C2CD3: variants seen among roughly 807,000 people sequenced by gnomAD.
The protein encoded by C2CD3 is C2 domain containing 3 centriole elongation regulator.
A neutral mutation model predicts 234.0 loss-of-function variants in C2CD3; 148 were observed. The observed-to-expected ratio is 0.63, with a 90% confidence interval of 0.55 to 0.72. C2CD3 has a LOEUF of 0.72. C2CD3 is among the 30% of genes least tolerant of loss of function. The probability of loss-of-function intolerance (pLI) is 0.00; values close to 1 mark genes in which losing one functional copy is unlikely to be tolerated. For synonymous variants in C2CD3, 1,000 were observed against 1,035.4 expected, an observed-to-expected ratio of 0.97 and a Z score of 0.66; for missense variants, 2,577 against 2,811.5, an observed-to-expected ratio of 0.92 and a Z score of 1.89.
chr11:74,109,762 G>A (rs543563291), intron 11 of C2CD3, among the ~76,000 whole-genome samples: 1 of 152,204 alleles, frequency 6.6e-6, no homozygotes, highest in Admixed American at 6.5e-5. Context: ...TGGCCATGGA[G>A]TTTTAACTGG....
chr11:74,085,586 A>T (rs1955603944), intron 21 of C2CD3, 32 bp downstream of exon 21: 2 of 1,609,510 alleles, frequency 1.2e-6, no homozygotes, highest in East Asian at 4.5e-5. Context: ...GCCTCTTTTA[A>T]TTTTGATTGT....
intron 32 of C2CD3, among the ~76,000 whole-genome samples, chr11:74,016,167 C>G (rs756340013): frequency 6.6e-6 from 1 of 152,296 alleles, no homozygotes; most frequent in South Asian, 2.1e-4. Flanking sequence ...AACAGGCAGA[C>G]GTGGTTCCTG....
chr11:74,087,302 G>A (rs943746917), intron 20 of C2CD3, among the ~76,000 whole-genome samples: 2 of 152,034 alleles, frequency 1.3e-5, no homozygotes, highest in African/African-American at 2.4e-5. Context: ...GGTGGCTCGC[G>A]CCTGTAATCC....
intron 23 of C2CD3, among the ~76,000 whole-genome samples, chr11:74,076,413 G>A (rs1955044358): frequency 6.6e-6 from 1 of 152,198 alleles, no homozygotes; most frequent in African/African-American, 2.4e-5. Flanking sequence ...GGACAGCAAT[G>A]TTAAGCTGAA....
intron 31 of C2CD3, among the ~76,000 whole-genome samples, chr11:74,029,735 CA>C (rs1401499388): frequency 6.6e-6 from 1 of 152,206 alleles, no homozygotes; most frequent in Non-Finnish European, 1.5e-5. Flanking sequence ...CTCCAACAGG[CA>C]CTTTCTCCCA....
chr11:74,115,579 C>T lies in C2CD3; in HGVS notation c.1521-986G>A, dbSNP rs551690974. Among the ~76,000 whole-genome samples, 4 of 152,124 alleles carry T rather than the reference C, an allele frequency of 2.6e-5. No individual in the cohort carries two copies. The East Asian group carries it at 7.7e-4, about 29-fold the overall frequency. ...GCAATCTACAAATTCAGTGCAATTC[C>T]CATCAAAATACCCTCATCATTCTTC... On this transcript the variant is annotated intron_variant, in intron 9 of 32. Transcript: ENST00000334126.
intron 2 of C2CD3, 145 bp from the exon 3 acceptor site, chr11:74,161,701 G>GT (rs1856482950): frequency 2.3e-6 from 1 of 442,512 alleles, no homozygotes; most frequent in African/African-American, 2.0e-5. Flanking sequence ...ATTGGTGAAA[G>GT]TGAGGGGAAT....
chr11:74,061,489 A>G (rs1279772638), intron 24 of C2CD3, among the ~76,000 whole-genome samples: 1 of 152,246 alleles, frequency 6.6e-6, no homozygotes, highest in East Asian at 1.9e-4. Flanking sequence ...CTCAAAGAAA[A>G]GAATTTTCAA....
In C2CD3 at chr11:74,103,636, CA is replaced by C; in HGVS notation, c.2086-12del. The C allele has an allele frequency of 2.5e-6, 4 of 1,598,088 alleles. No homozygotes were observed. The highest frequency in any genetic ancestry group is 3.4e-6 in the Non-Finnish European group (4 of 1,173,208). ...AAGCTCCATGGTTACCTGTAAAACA[CA>C]AAAGGAGAAGAGTCAATAAGAATGT... On this transcript the variant is annotated splice_polypyrimidine_tract_variant and intron_variant, in intron 13 of 32. Transcript: ENST00000334126.
chr11:74,155,867 G>A, intron 3 of C2CD3, among the ~76,000 whole-genome samples: 1 of 152,194 alleles, frequency 6.6e-6, no homozygotes, highest in East Asian at 1.9e-4. Context: ...TTGGCTGGGT[G>A]TGGTGGCTCA....
At chr11:74,019,317 G>T (rs749374354) in intron 32 of C2CD3, among the ~76,000 whole-genome samples, 1 of 125,766 alleles carries the variant, frequency 8.0e-6, no homozygotes, top group Non-Finnish European at 1.5e-5. Context: ...GGGCCAGGGT[G>T]GCGCCAGCCA....
In C2CD3 at chr11:74,037,475, T is replaced by C. The variant is rs1276575825; in HGVS notation, c.5881+3A>G. On this transcript the variant is annotated splice_donor_region_variant and intron_variant, in intron 30 of 32. Coordinates refer to ENST00000334126, the MANE Select transcript of C2CD3 (RefSeq NM_001286577.2). The stretch of plus-strand genomic sequence containing the variant: ...TCTCAACAAGAAAGGATCTGAGTCA[T>C]ACCTGTGATTAAGGAGCTGACTTGC... 2 of 1,607,396 alleles carry C rather than the reference T, an allele frequency of 1.2e-6. No homozygotes were observed. Among genetic ancestry groups the C allele is most frequent in the Admixed American group, 1.7e-5 (1 of 59,994 alleles).
In C2CD3 at chr11:74,012,763, G is replaced by T. The variant is rs1283768979; in HGVS notation, c.*622C>A. ...TTATTCAAACACAGGCAAGAACAATGACCTTCAGAGCTGGGTAAAAATAAT... is the reference window on the plus strand; with the variant it reads ...TTATTCAAACACAGGCAAGAACAATTACCTTCAGAGCTGGGTAAAAATAAT... On this transcript the variant is annotated 3_prime_UTR_variant, in exon 33 of 33. Transcript: ENST00000334126. The T allele has an allele frequency of 1.3e-5, 2 of 152,166 alleles. No homozygotes were observed. Among genetic ancestry groups the T allele is most frequent in the Non-Finnish European group, 2.9e-5 (2 of 68,028 alleles). 9.4% of individuals were successfully genotyped at this position (152,166 alleles called of 1,614,324 possible). A position where few individuals can be genotyped will look rare whatever the true frequency, so the allele number is the denominator to read the frequency against.
chr11:74,146,710 C>CCACACACA (rs141560536), intron 3 of C2CD3, among the ~76,000 whole-genome samples: 6 of 85,002 alleles, frequency 7.1e-5, no homozygotes, highest in East Asian at 3.6e-4. Flanking sequence ...AAAAGTCAAA[C>CCACACACA]CACACACACA....
chr11:74,021,712 G>A (rs1267400358), intron 32 of C2CD3, among the ~76,000 whole-genome samples: 2 of 152,208 alleles, frequency 1.3e-5, no homozygotes, highest in Non-Finnish European at 1.5e-5. Flanking sequence ...GGCTTAAAGA[G>A]TGTTCCCCCT....
intron 25 of C2CD3, 31 bp from the exon 26 acceptor site, chr11:74,054,702 A>C: frequency 6.8e-7 from 1 of 1,469,956 alleles, no homozygotes; most frequent in Non-Finnish European, 9.5e-7. Context: ...TGTAAACTAA[A>C]TGTATAGGAA....
intron 20 of C2CD3, among the ~76,000 whole-genome samples, chr11:74,088,990 A>G (rs1955772304): frequency 6.6e-6 from 1 of 152,176 alleles, no homozygotes; most frequent in Admixed American, 6.5e-5. Flanking sequence ...CATATATTAA[A>G]GTTTTTCTAT....
In C2CD3 at chr11:74,161,265, A is replaced by G. The variant is rs1374828771; in HGVS notation, c.483+134T>C. 3 of 501,432 alleles carry G rather than the reference A, an allele frequency of 6.0e-6. No individual in the cohort carries two copies. In the African/African-American group the frequency reaches 6.0e-5, roughly 10 times the overall value. The allele number at this position is 501,432 out of a possible 1,614,324, so 31.1% of individuals were successfully genotyped here. On this transcript the variant is annotated intron_variant, in intron 3 of 32. Transcript: ENST00000334126. ...ACAAAAGTAGGTCTACTGGGTAAAA[A>G]CATGGGCAAAGGCATGAGGTGGAAA...
chr11:74,085,894 GGAGAAGGGTGGAAAT>G lies in C2CD3; in HGVS notation c.3642-23_3642-9del. ...TCCCGTTCAGCCAAAGCCCTGTAGA[GGAGAAGGGTGGAAAT>G]GAGAAGATACCATGGTAACATTAGA... On this transcript the variant is annotated splice_polypyrimidine_tract_variant and intron_variant, in intron 20 of 32. Transcript: ENST00000334126. 1 of 1,600,682 alleles carries G rather than the reference GGAGAAGGGTGGAAAT, an allele frequency of 6.2e-7. No individual in the cohort carries two copies. The highest frequency in any genetic ancestry group is 8.5e-7 in the Non-Finnish European group (1 of 1,171,044).
Sources: allele counts gnomAD v4.1 joint callset (sites outside exome capture counted in the v4.1 genomes callset), GRCh38; gene constraint gnomAD v4.1.1; transcripts MANE v1.5; gene names NCBI Gene and HGNC (gene_info 2026-07-23, HGNC 2026-07-21).